Variants in ZNF831 observed in about 807,000 individuals in gnomAD.
ZNF831 encodes chromosome 20 open reading frame 174.
Under a neutral mutation model 95.8 loss-of-function variants are expected in ZNF831, and 59 were observed. The ratio of observed to expected loss-of-function variants is 0.62; its 90% CI spans 0.50 to 0.77. The LOEUF (loss-of-function observed/expected upper bound fraction) is 0.77. Ranked by LOEUF, ZNF831 falls within the 30% of genes least tolerant of loss-of-function variation. The pLI, the probability that ZNF831 is intolerant of heterozygous loss-of-function variation, is 0.00. For synonymous variants in ZNF831, 961 were observed against 925.5 expected (o/e 1.04, Z -0.70); for missense variants, 2,205 against 2,164.0 (o/e 1.02, Z -0.38).
intron 4 of ZNF831, among the ~76,000 whole-genome samples, chr20:59,243,144 C>T (rs1987421829): frequency 6.6e-6 from 1 of 152,192 alleles, no homozygotes; most frequent in Non-Finnish European, 1.5e-5. Flanking sequence ...TATTTACTTT[C>T]CCTCTTAATG....
At chr20:59,214,961 AT>A (rs1985582708) in intron 4 of ZNF831, among the ~76,000 whole-genome samples, 1 of 152,260 alleles carries the variant, frequency 6.6e-6, no homozygotes, top group Non-Finnish European at 1.5e-5. Context: ...GCTGCAAAAA[AT>A]AATCTCATAA....
intron 4 of ZNF831, among the ~76,000 whole-genome samples, chr20:59,241,205 C>T (rs532041662): frequency 1.3e-5 from 2 of 152,302 alleles, no homozygotes; most frequent in Admixed American, 6.5e-5. Flanking sequence ...AAGTTACATG[C>T]GACCTTGAGG....
At chr20:59,126,353 G>A (rs1043031979) in intron 1 of ZNF831, among the ~76,000 whole-genome samples, 5 of 152,166 alleles carry the variant, frequency 3.3e-5, no homozygotes, top group African/African-American at 1.2e-4. Context: ...TCTGTGACTT[G>A]CAGATTAGTG....
Position 59,254,017 on chromosome 20 carries a change from C to G in ZNF831, c.4308C>G (p.Pro1436=), listed in dbSNP as rs267606025. The part of the protein sequence containing the change: ...CLAVVNDVPL[P]PGKGLDLGLL... ...CAGTGGTTAATGACGTGCCTCTACCCCCTGGCAAAGGTCTTGACCTTGGGT... is the reference window on the plus strand; with the variant it reads ...CAGTGGTTAATGACGTGCCTCTACCGCCTGGCAAAGGTCTTGACCTTGGGT... Residue 1436 remains proline, a synonymous_variant, in exon 6 of 6, where the codon CCC becomes CCG. Coordinates refer to ENST00000371030, the MANE Select transcript of ZNF831 (RefSeq NM_178457.3). The surrounding 1 kb of genome is among the most constrained non-coding windows in gnomAD (Gnocchi z 4.5). 1 of 1,614,074 alleles carries G rather than the reference C, an allele frequency of 6.2e-7. No homozygotes were observed. The highest frequency in any genetic ancestry group is 8.5e-7 in the Non-Finnish European group (1 of 1,180,014).
In ZNF831 at chr20:59,192,258, C is replaced by G; in HGVS notation, c.1239C>G (p.Ser413=). ...RLEERIAQLI[S]HNQAVVDDAQ... ...AGGAGCGCATCGCCCAGCTCATCTCCCACAACCAGGCGGTGGTGGACGATG... is the reference window on the plus strand; with the variant it reads ...AGGAGCGCATCGCCCAGCTCATCTCGCACAACCAGGCGGTGGTGGACGATG... Residue 413 remains serine (S), a synonymous_variant, in exon 2 of 6, where the codon TCC becomes TCG. Coordinates refer to ENST00000371030, the MANE Select transcript of ZNF831 (RefSeq NM_178457.3). The surrounding 1 kb of genome is among the most constrained non-coding windows in gnomAD (Gnocchi z 5.2). 6.3e-7 allele frequency: 1 copy of G among 1,593,800 alleles called. No individual in the cohort carries two copies. Among genetic ancestry groups the G allele is most frequent in the Non-Finnish European group, 8.5e-7 (1 of 1,170,804 alleles).
chr20:59,126,622 A>G (rs1004300565), intron 1 of ZNF831, among the ~76,000 whole-genome samples: 2 of 152,108 alleles, frequency 1.3e-5, no homozygotes, highest in Non-Finnish European at 2.9e-5. Flanking sequence ...CTCCATTTTC[A>G]TTCAAACACA....
intron 2 of ZNF831, among the ~76,000 whole-genome samples, chr20:59,157,391 C>T (rs769856108): frequency 3.3e-5 from 5 of 152,196 alleles, no homozygotes; most frequent in Non-Finnish European, 7.4e-5. Flanking sequence ...TCACTCTTTC[C>T]TCCGGCTGTG....
At chr20:59,189,729 T>G (rs1983353404) in intron 1 of ZNF831, among the ~76,000 whole-genome samples, 1 of 152,262 alleles carries the variant, frequency 6.6e-6, no homozygotes, top group Non-Finnish European at 1.5e-5. Context: ...CAGGCTGGTC[T>G]TGAACTCCTG....
At chr20:59,164,640 T>C (rs1309463023) in intron 1 of ZNF831, among the ~76,000 whole-genome samples, 2 of 152,232 alleles carry the variant, frequency 1.3e-5, no homozygotes, top group Non-Finnish European at 2.9e-5. Flanking sequence ...ATAATATAAT[T>C]GAAATATCAA....
intron 4 of ZNF831, among the ~76,000 whole-genome samples, chr20:59,207,495 T>C (rs1984980875): frequency 1.3e-5 from 2 of 151,916 alleles, no homozygotes; most frequent in Non-Finnish European, 2.9e-5. Flanking sequence ...GAAAGATGAG[T>C]AGTTATGTGA....
At position 59,193,658 on chromosome 20, in the gene ZNF831, T is replaced by G. The variant is rs771544829; in HGVS notation, c.2639T>G (p.Leu880Arg). The G allele has an allele frequency of 7.4e-6, 12 of 1,612,892 alleles. No individual in the cohort carries two copies. Among genetic ancestry groups the G allele is most frequent in the Non-Finnish European group, 1.0e-5 (12 of 1,179,792 alleles). The change falls in exon 2 of 6, where the codon CTG becomes CGG. Residue 880 changes from leucine to arginine, a missense_variant. Leu to Arg is a moderately radical substitution (Grantham distance 102). Coordinates refer to ENST00000371030, the MANE Select transcript of ZNF831 (RefSeq NM_178457.3). ...KESARQVGEP[L>R]ESSGASLAAA... ...AGTGCCAGGCAGGTGGGCGAGCCTC[T>G]GGAGTCCTCTGGAGCCTCCTTGGCT...
chr20:59,192,205 G>C lies in ZNF831; in HGVS notation c.1186G>C (p.Gly396Arg), dbSNP rs1204474078. Residue 396 changes from glycine (G) to arginine (R), a missense_variant, in exon 2 of 6, where the codon GGC becomes CGC. Gly to Arg is a moderately radical substitution (Grantham distance 125). Coordinates refer to ENST00000371030, the MANE Select transcript of ZNF831 (RefSeq NM_178457.3). The surrounding 1 kb of genome is among the most constrained non-coding windows in gnomAD (Gnocchi z 5.2). ...GGCCGAGCCCGGGGCGCGAGAAGCCGGCCTGGAGCTGGAGAAGAAGCGGCT... is the reference window on the plus strand; with the variant it reads ...GGCCGAGCCCGGGGCGCGAGAAGCCCGCCTGGAGCTGGAGAAGAAGCGGCT... ...AGAEPGAREA[G>R]LELEKKRLEE... 4.4e-6 allele frequency: 7 copies of C among 1,581,150 alleles called. No individual in the cohort carries two copies. In the Admixed American group the frequency reaches 1.3e-4, roughly 28 times the overall value.
At chr20:59,205,847 C>A (rs1984856822) in intron 3 of ZNF831, among the ~76,000 whole-genome samples, 1 of 152,166 alleles carries the variant, frequency 6.6e-6, no homozygotes, top group Non-Finnish European at 1.5e-5. Flanking sequence ...AATGGGGGTG[C>A]TATACTAGGT....
chr20:59,231,174 T>A (rs1483320324), intron 4 of ZNF831, among the ~76,000 whole-genome samples: 3 of 152,112 alleles, frequency 2.0e-5, no homozygotes, highest in Non-Finnish European at 4.4e-5. Context: ...CAGAAATGAG[T>A]TACCCGGTCA....
rs1981061557 is a variant in ZNF831 at position 59,164,068 on chromosome 20, A to G, written c.-176A>G. On this transcript the variant is annotated 5_prime_UTR_variant, in exon 1 of 6. Transcript: ENST00000371030. Reference sequence around the variant, plus strand: ...CGAGCTCCCTACAGAGAGTGAGAGCACGGGCTCTTGAGCTCATCTCTTCTC... The same window carrying G: ...CGAGCTCCCTACAGAGAGTGAGAGCGCGGGCTCTTGAGCTCATCTCTTCTC... Among the ~76,000 whole-genome samples the G allele has an allele frequency of 6.6e-6, 1 of 152,116 alleles. No individual in the cohort carries two copies. Among genetic ancestry groups the G allele is most frequent in the African/African-American group, 2.4e-5 (1 of 41,420 alleles).
rs192922938 is a variant in ZNF831 at position 59,184,535 on chromosome 20, G to A, written c.-36-6449G>A. 2.2e-3 allele frequency among the ~76,000 whole-genome samples: 330 copies of A among 152,248 alleles called. 1 individual carries two copies. The highest frequency in any genetic ancestry group is 3.8e-3 in the Non-Finnish European group (257 of 68,036). ...TTGCATGCATCCCTTTTAAAGCAAT[G>A]GTGTTCTAGGCATGAGGCTCTACAC... On this transcript the variant is annotated intron_variant, in intron 1 of 5. Transcript: ENST00000371030.
intron 1 of ZNF831, among the ~76,000 whole-genome samples, chr20:59,138,519 T>C (rs752713711): frequency 2.6e-5 from 4 of 152,344 alleles, no homozygotes; most frequent in Non-Finnish European, 4.4e-5. Context: ...TGTGAGGTCA[T>C]TGTTACTGTT....
At chr20:59,236,480 A>C (rs1338935299) in intron 4 of ZNF831, among the ~76,000 whole-genome samples, 1 of 151,134 alleles carries the variant, frequency 6.6e-6, no homozygotes, top group African/African-American at 2.4e-5. Context: ...TTTTTGAGAC[A>C]GAGTCTCACT....
At chr20:59,149,048 C>A (rs1328291432) in intron 2 of ZNF831, among the ~76,000 whole-genome samples, 1 of 152,196 alleles carries the variant, frequency 6.6e-6, no homozygotes, top group Admixed American at 6.5e-5. Flanking sequence ...ACGAGGGTCT[C>A]CATCCCTTCC....
Sources: gnomAD v4.1 joint callset for allele counts (sites outside exome capture counted in the v4.1 genomes callset) on GRCh38, gnomAD v4.1.1 for gene constraint, Gnocchi (gnomAD v3.1) non-coding constraint, MANE v1.5 for transcripts, NCBI Gene and HGNC (gene_info 2026-07-23, HGNC 2026-07-21) for gene names.